Variants in STX3 observed in about 807,000 individuals in gnomAD.
STX3 encodes syntaxin-3.
STX3 carries 19 observed loss-of-function variants against 40.2 expected under a neutral mutation model. The ratio of observed to expected loss-of-function variants is 0.47; its 90% confidence interval spans 0.33 to 0.69. The LOEUF (loss-of-function observed/expected upper bound fraction) is 0.69, where lower values mean the gene tolerates loss of function less well. Ranked by LOEUF, STX3 falls within the 30% of genes least tolerant of loss-of-function variation. STX3 has a pLI of 0.02. For missense variants in STX3, 364 were observed against 366.7 expected, an observed-to-expected ratio of 0.99 and a Z score of 0.06; for synonymous variants, 122 against 132.2, an observed-to-expected ratio of 0.92 and a Z score of 0.53.
rs1033832205 is a variant in STX3, at chr11:59,799,997, G to T, written c.*31-858G>T. ...ATGAAAGATGATATGCAAATTTGTGGTGCCCCTTTCTATTCCTAATTCCAG... is the reference window on the plus strand; with the variant it reads ...ATGAAAGATGATATGCAAATTTGTGTTGCCCCTTTCTATTCCTAATTCCAG... On this transcript the variant is annotated intron_variant, in intron 10 of 10. Coordinates refer to ENST00000337979, the MANE Select transcript of STX3 (RefSeq NM_004177.5). 1.1e-5 allele frequency: 11 copies of T among 985,218 alleles called. No homozygotes were observed. The African/African-American group carries it at 1.9e-4, about 17-fold the overall frequency. The allele number at this position is 985,218 out of a possible 1,614,324, so 61.0% of individuals were successfully genotyped here.
rs1263743043 is a variant in STX3 at position 59,792,209 on chromosome 11, GA to G, written c.463del (p.Ile155LeufsTer48). The G allele has an allele frequency of 2.5e-6, 4 of 1,613,514 alleles. No homozygotes were observed. Among genetic ancestry groups the G allele is most frequent in the Non-Finnish European group, 3.4e-6 (4 of 1,179,912 alleles). On this transcript the variant is annotated frameshift_variant, in exon 6 of 11. Coordinates refer to ENST00000337979, the MANE Select transcript of STX3 (RefSeq NM_004177.5). LOFTEE classifies it high-confidence loss of function. ...CAAAGGGCGAATCCAGCGGCAGCTC[GA>G]AATTAGTATGTACTTGAGGTTTGGC... ...RSKGRIQRQL[E>X]ITGKKTTDEE...
chr11:59,799,556 T>C, intron 10 of STX3: 9 of 682,972 alleles, frequency 1.3e-5, no homozygotes, highest in Non-Finnish European at 1.6e-5. Context: ...AAATTTTCTC[T>C]TTATTACCAA....
intron 1 of STX3, among the ~76,000 whole-genome samples, chr11:59,764,495 G>A (rs1350359139): frequency 6.6e-6 from 1 of 152,196 alleles, no homozygotes; most frequent in East Asian, 1.9e-4. Flanking sequence ...CTGTATCTCT[G>A]TAGAGGTACA....
At chr11:59,759,414 C>T in intron 1 of STX3, among the ~76,000 whole-genome samples, 1 of 152,186 alleles carries the variant, frequency 6.6e-6, no homozygotes. Context: ...TGCCTAGCAT[C>T]CTGCTGGGCG....
chr11:59,782,225 G>A (rs927718675), intron 2 of STX3, among the ~76,000 whole-genome samples: 1 of 152,080 alleles, frequency 6.6e-6, no homozygotes, highest in South Asian at 2.1e-4. Flanking sequence ...ATTATATTTG[G>A]CCACGCCCAA....
chr11:59,762,864 CCT>C (rs1171000640), intron 1 of STX3, among the ~76,000 whole-genome samples: 2 of 152,150 alleles, frequency 1.3e-5, no homozygotes, highest in Non-Finnish European at 2.9e-5. Flanking sequence ...ATCTCCTCAC[CCT>C]GAGTGGCCTT....
Position 59,804,360 on chromosome 11 carries a change from C to G in STX3, c.*3536C>G, listed in dbSNP as rs891986193. On this transcript the variant is annotated 3_prime_UTR_variant, in exon 11 of 11. Coordinates refer to ENST00000337979, the MANE Select transcript of STX3 (RefSeq NM_004177.5). The stretch of plus-strand genomic sequence containing the variant: ...AAGCACATGCCTATCTTGCTCACTG[C>G]TGTGTCCCCACTTTTTAGCACAGCG... 1.3e-5 allele frequency: 2 copies of G among 152,240 alleles called. No homozygotes were observed. Among genetic ancestry groups the G allele is most frequent in the African/African-American group, 4.8e-5 (2 of 41,450 alleles). The allele number at this position is 152,240 out of a possible 1,614,324, so 9.4% of individuals were successfully genotyped here.
chr11:59,784,618 G>A (rs1470331934), intron 2 of STX3, among the ~76,000 whole-genome samples: 1 of 152,234 alleles, frequency 6.6e-6, no homozygotes, highest in Non-Finnish European at 1.5e-5. Context: ...GGTCAAGGAG[G>A]AGCAAGTCAC....
At chr11:59,785,120 G>A (rs1322704082) in intron 2 of STX3, among the ~76,000 whole-genome samples, 1 of 152,028 alleles carries the variant, frequency 6.6e-6, no homozygotes, top group Non-Finnish European at 1.5e-5. Flanking sequence ...AAATATTTGG[G>A]TAGTTACCTG....
intron 1 of STX3, among the ~76,000 whole-genome samples, chr11:59,767,353 T>C (rs1026009263): frequency 3.3e-5 from 5 of 152,190 alleles, no homozygotes; most frequent in Admixed American, 6.5e-5. Context: ...GTGGCTGATA[T>C]TGCAGCTACT....
chr11:59,800,329 C>A (rs1865808389), intron 10 of STX3: 1 of 985,220 alleles, frequency 1.0e-6, no homozygotes, highest in Non-Finnish European at 1.2e-6. Flanking sequence ...ATCATAGTAT[C>A]CTCATTTTAC....
intron 5 of STX3, 132 bp downstream of exon 5, chr11:59,790,718 T>G (rs1052283159): frequency 1.4e-6 from 1 of 697,780 alleles, no homozygotes; most frequent in Non-Finnish European, 2.4e-6. Context: ...AAAGGAGAAC[T>G]CTCCAGGTTG....
chr11:59,801,196 C>T lies in STX3; in HGVS notation c.*372C>T, dbSNP rs1865872317. 8.6e-7 allele frequency: 1 copy of T among 1,160,120 alleles called. No individual in the cohort carries two copies. Among genetic ancestry groups the T allele is most frequent in the Non-Finnish European group, 1.1e-6 (1 of 939,066 alleles). 71.9% of individuals were successfully genotyped at this position (1,160,120 alleles called of 1,614,324 possible). A position where few individuals can be genotyped will look rare whatever the true frequency, so the allele number is the denominator to read the frequency against. On this transcript the variant is annotated 3_prime_UTR_variant, in exon 11 of 11. Coordinates refer to ENST00000337979, the MANE Select transcript of STX3 (RefSeq NM_004177.5). The stretch of plus-strand genomic sequence containing the variant: ...CCCAAGGTGCTGTATTTTTCTACCT[C>T]ATGGAGTATTCTCCCAGAAACTGCA...
chr11:59,792,248 C>T (rs1367515050), intron 6 of STX3, 33 bp downstream of exon 6: 4 of 1,576,768 alleles, frequency 2.5e-6, no homozygotes, highest in Non-Finnish European at 3.5e-6. Flanking sequence ...GTGCCCTCCA[C>T]CTTTCCTGCC....
rs556895371 is a variant in STX3, at chr11:59,801,024, C to G, written c.*200C>G. ...CTGGGGGAATGTGATCTACCTGATG[C>G]GACCCTGAGTTCTCCCCAGAGCCTC... On this transcript the variant is annotated 3_prime_UTR_variant, in exon 11 of 11. Coordinates refer to ENST00000337979, the MANE Select transcript of STX3 (RefSeq NM_004177.5). The G allele has an allele frequency of 2.0e-6, 3 of 1,501,580 alleles. No individual in the cohort carries two copies. Among genetic ancestry groups the G allele is most frequent in the Admixed American group, 2.0e-5 (1 of 49,092 alleles). The allele number at this position is 1,501,580 out of a possible 1,614,324, so 93.0% of individuals were successfully genotyped here.
intron 3 of STX3, 99 bp downstream of exon 3, chr11:59,787,235 A>C (rs75459935): frequency 0.07 from 70,321 of 1,010,552 alleles, 3,141 homozygotes; most frequent in African/African-American, 0.18. Context: ...AGGGAAGTGT[A>C]CAAGTTACAG....
At chr11:59,784,487 G>A (rs1443759538) in intron 2 of STX3, among the ~76,000 whole-genome samples, 1 of 152,186 alleles carries the variant, frequency 6.6e-6, no homozygotes, top group African/African-American at 2.4e-5. Flanking sequence ...GTCTGTGAGT[G>A]TATTAGTTTG....
chr11:59,771,974 C>G (rs956989582), intron 1 of STX3, among the ~76,000 whole-genome samples: 2 of 152,144 alleles, frequency 1.3e-5, no homozygotes, highest in African/African-American at 4.8e-5. Context: ...GAATGAGATG[C>G]TGGGGGAGCC....
chr11:59,805,734 GA>G lies in STX3; in HGVS notation c.*4914del. On this transcript the variant is annotated 3_prime_UTR_variant, in exon 11 of 11. Coordinates refer to ENST00000337979, the MANE Select transcript of STX3 (RefSeq NM_004177.5). Reference sequence around the variant, plus strand: ...TCCCTCTTGGAGAATTTCAGACCCAGAAAAGGCCACGCAGTTCTAACTTTTG... The same window carrying G: ...TCCCTCTTGGAGAATTTCAGACCCAGAAAGGCCACGCAGTTCTAACTTTTG... The G allele has an allele frequency of 6.5e-6, 1 of 152,782 alleles. No individual in the cohort carries two copies. The highest frequency in any genetic ancestry group is 1.5e-5 in the Non-Finnish European group (1 of 68,398). The allele number at this position is 152,782 out of a possible 1,614,324, so 9.5% of individuals were successfully genotyped here. A position where few individuals can be genotyped will look rare whatever the true frequency, so the allele number is the denominator to read the frequency against.
Sources: allele counts gnomAD v4.1 joint callset (sites outside exome capture counted in the v4.1 genomes callset), GRCh38; gene constraint gnomAD v4.1.1; transcripts MANE v1.5; gene names NCBI Gene and HGNC (gene_info 2026-07-23, HGNC 2026-07-21).